CELF4: variants seen among roughly 807,000 people sequenced by gnomAD.
CELF4 encodes the protein CUGBP Elav-like family member 4, also known as CUG-BP- and ETR-3-like factor 4.
A neutral mutation model predicts 59.9 loss-of-function variants in CELF4; 18 were observed. The ratio of observed to expected loss-of-function variants is 0.30; its 90% CI spans 0.21 to 0.45. The LOEUF (loss-of-function observed/expected upper bound fraction) is 0.45. Among genes scored for constraint, CELF4 ranks in the 20% least tolerant of loss-of-function variants. The probability of loss-of-function intolerance (pLI) is 1.00; values close to 1 mark genes in which losing one functional copy is unlikely to be tolerated. For missense variants in CELF4, 456 were observed against 689.0 expected (o/e 0.66, Z 3.79); for synonymous variants, 261 against 267.1 (o/e 0.98, Z 0.22).
chr18:37,365,796 C>T (rs2098773244), intron 2 of CELF4, among the ~76,000 whole-genome samples: 1 of 152,018 alleles, frequency 6.6e-6, no homozygotes, highest in Non-Finnish European at 1.5e-5. Context: ...TGGGATGGGG[C>T]AAATTTAAAA....
chr18:37,382,561 C>G (rs2099052431), intron 2 of CELF4, among the ~76,000 whole-genome samples: 1 of 152,186 alleles, frequency 6.6e-6, no homozygotes, highest in South Asian at 2.1e-4. Context: ...TTTCACCAGG[C>G]AAAGGTGGTG....
intron 2 of CELF4, among the ~76,000 whole-genome samples, chr18:37,452,257 G>A (rs924566866): frequency 7.2e-5 from 11 of 152,226 alleles, no homozygotes; most frequent in Non-Finnish European, 1.5e-4. Context: ...CACATGCCAG[G>A]TGCTGTGAGT....
At chr18:37,266,248 G>C in intron 9 of CELF4, 1 of 548,406 alleles carries the variant, frequency 1.8e-6, no homozygotes, top group Non-Finnish European at 3.3e-6. Flanking sequence ...CATGGGGAAG[G>C]GAAATCTGGC....
chr18:37,513,156 C>T (rs1040140989), intron 1 of CELF4, among the ~76,000 whole-genome samples: 4 of 152,172 alleles, frequency 2.6e-5, no homozygotes, highest in East Asian at 3.9e-4. Context: ...GGTGCTGCTG[C>T]GGGAACTGAG....
chr18:37,276,019 C>G (rs1337811476), intron 3 of CELF4: 3 of 152,242 alleles, frequency 2.0e-5, no homozygotes, highest in Admixed American at 2.0e-4. Context: ...CCTGTGCCAT[C>G]CCAGGGCACA....
intron 2 of CELF4, among the ~76,000 whole-genome samples, chr18:37,412,962 C>T (rs374394920): frequency 2.6e-5 from 4 of 152,110 alleles, no homozygotes; most frequent in African/African-American, 7.2e-5. Flanking sequence ...ACTGCCTGCT[C>T]ATGGCTTATA....
At chr18:37,338,588 T>G (rs1169611268) in intron 2 of CELF4, among the ~76,000 whole-genome samples, 1 of 152,258 alleles carries the variant, frequency 6.6e-6, no homozygotes. Context: ...TCACACCCCA[T>G]GTCATGGCAG....
chr18:37,490,567 C>T (rs1329501343), intron 1 of CELF4, among the ~76,000 whole-genome samples: 1 of 152,132 alleles, frequency 6.6e-6, no homozygotes, highest in Non-Finnish European at 1.5e-5. Flanking sequence ...GGCCCTGCCT[C>T]AAAGCTTCCT....
intron 2 of CELF4, among the ~76,000 whole-genome samples, chr18:37,349,857 G>A (rs1294419987): frequency 6.6e-6 from 1 of 152,194 alleles, no homozygotes; most frequent in African/African-American, 2.4e-5. Flanking sequence ...AGGACCTGTG[G>A]TAAGTGGAGT....
intron 2 of CELF4, among the ~76,000 whole-genome samples, chr18:37,336,055 C>A (rs563498371): frequency 6.6e-6 from 1 of 152,190 alleles, no homozygotes; most frequent in Non-Finnish European, 1.5e-5. Context: ...TGACATTCTT[C>A]GCAGCGCACT....
intron 3 of CELF4, among the ~76,000 whole-genome samples, chr18:37,279,302 AGAGT>A (rs2093812046): frequency 6.6e-6 from 1 of 152,164 alleles, no homozygotes; most frequent in South Asian, 2.1e-4. Context: ...GATGGGCTGA[AGAGT>A]GAGTGAGAGG....
chr18:37,344,053 C>A (rs2098157961), intron 2 of CELF4, among the ~76,000 whole-genome samples: 1 of 152,176 alleles, frequency 6.6e-6, no homozygotes, highest in South Asian at 2.1e-4. Flanking sequence ...ACCTTTTACC[C>A]CCATTTTGCT....
At chr18:37,298,724 C>CAAAAAAA (rs5824047) in intron 3 of CELF4, among the ~76,000 whole-genome samples, 1 of 124,338 alleles carries the variant, frequency 8.0e-6, no homozygotes, top group Non-Finnish European at 1.7e-5. Flanking sequence ...GACTCTATCT[C>CAAAAAAA]AAAAAAAAAA....
At chr18:37,342,169 T>C (rs2098073983) in intron 2 of CELF4, among the ~76,000 whole-genome samples, 1 of 151,806 alleles carries the variant, frequency 6.6e-6, no homozygotes, top group Non-Finnish European at 1.5e-5. Flanking sequence ...AATTGTGTCC[T>C]GGTAGGGCTG....
At chr18:37,427,253 C>A (rs2099620218) in intron 2 of CELF4, among the ~76,000 whole-genome samples, 1 of 152,158 alleles carries the variant, frequency 6.6e-6, no homozygotes, top group Non-Finnish European at 1.5e-5. Flanking sequence ...GCCTCCTGAA[C>A]ACATTCTTGT....
intron 2 of CELF4, among the ~76,000 whole-genome samples, chr18:37,460,231 T>C (rs1209581979): frequency 2.0e-5 from 3 of 152,140 alleles, no homozygotes; most frequent in African/African-American, 7.2e-5. Context: ...AAAACTCAAG[T>C]CCAGAGATGA....
chr18:37,437,090 G>A (rs556855928), intron 2 of CELF4, among the ~76,000 whole-genome samples: 1 of 152,334 alleles, frequency 6.6e-6, no homozygotes, highest in East Asian at 1.9e-4. Flanking sequence ...CAGAGTGGCT[G>A]CATGCAGCAT....
At chr18:37,525,054 C>G (rs542011392) in intron 1 of CELF4, among the ~76,000 whole-genome samples, 1 of 152,192 alleles carries the variant, frequency 6.6e-6, no homozygotes. Context: ...CTAGGGGCCT[C>G]TTGCTTGGCC....
chr18:37,410,464 C>G (rs1291850703), intron 2 of CELF4, among the ~76,000 whole-genome samples: 1 of 152,266 alleles, frequency 6.6e-6, no homozygotes, highest in African/African-American at 2.4e-5. Flanking sequence ...CACACCTGGG[C>G]TACCAGAACC....
Sources: allele counts gnomAD v4.1 joint callset (sites outside exome capture counted in the v4.1 genomes callset), GRCh38; gene constraint gnomAD v4.1.1; transcripts MANE v1.5; gene names NCBI Gene and HGNC (gene_info 2026-07-23, HGNC 2026-07-21).